The following HAPLN1 variants were observed in gnomAD, a reference collection of about 807,000 sequenced individuals.
HAPLN1 encodes hyaluronan and proteoglycan link protein 1.
HAPLN1 carries 13 observed loss-of-function variants against 36.5 expected under a neutral mutation model. The observed-to-expected ratio is 0.36, with a 90% CI of 0.23 to 0.57. The LOEUF (loss-of-function observed/expected upper bound fraction) is 0.57, where lower values mean the gene tolerates loss of function less well. HAPLN1 is among the 20% of genes least tolerant of loss of function. The pLI is 0.83. For missense variants in HAPLN1, 407 were observed against 439.7 expected (o/e 0.93, Z 0.66); for synonymous variants, 202 against 169.8 (o/e 1.19, Z -1.48).
intron 1 of HAPLN1, among the ~76,000 whole-genome samples, chr5:83,716,334 A>C (rs1751911487): frequency 6.6e-6 from 1 of 152,222 alleles, no homozygotes; most frequent in South Asian, 2.1e-4. Context: ...TCTTAAACAG[A>C]TTGAGAACCA....
chr5:83,661,857 T>C (rs750802099), intron 2 of HAPLN1, among the ~76,000 whole-genome samples: 25 of 152,210 alleles, frequency 1.6e-4, no homozygotes, highest in Non-Finnish European at 2.6e-4. Flanking sequence ...TTTTTACCTA[T>C]TGCATCATGC....
chr5:83,638,670 T>C lies in HAPLN1; in HGVS notation c.*2826A>G, dbSNP rs769123011. On this transcript the variant is annotated 3_prime_UTR_variant, in exon 5 of 5. Coordinates refer to ENST00000274341, the MANE Select transcript of HAPLN1 (RefSeq NM_001884.4). ...CCAAAATAAAAAGTGACTATATTGT[T>C]GCATAAAATAACACTTTGACAGGTA... 2 of 152,022 alleles carry C rather than the reference T, an allele frequency of 1.3e-5. No individual in the cohort carries two copies. Among genetic ancestry groups the C allele is most frequent in the Non-Finnish European group, 2.9e-5 (2 of 67,908 alleles). The allele number at this position is 152,022 out of a possible 1,614,324, so 9.4% of individuals were successfully genotyped here. A position where few individuals can be genotyped will look rare whatever the true frequency, so the allele number is the denominator to read the frequency against.
chr5:83,676,467 G>T (rs1750863598), intron 1 of HAPLN1, among the ~76,000 whole-genome samples: 1 of 152,136 alleles, frequency 6.6e-6, no homozygotes. Context: ...GTATACTTTA[G>T]GGTCACAGTC....
In HAPLN1 at chr5:83,645,475, C is replaced by CTTTTTTTTTTTTTTTTTTTTTTTTTTT; in HGVS notation, c.473-811_473-810insAAAAAAAAAAAAAAAAAAAAAAAAAAA. Among the ~76,000 whole-genome samples the CTTTTTTTTTTTTTTTTTTTTTTTTTTT allele has an allele frequency of 8.1e-5, 6 of 74,332 alleles. 1 individual carries two copies. In the South Asian group the frequency reaches 1.6e-3, roughly 19 times the overall value. The allele number at this position is 74,332 out of a possible 152,430, so 48.8% of individuals were successfully genotyped here. A position where few individuals can be genotyped will look rare whatever the true frequency, so the allele number is the denominator to read the frequency against. On this transcript the variant is annotated intron_variant, in intron 3 of 4. Coordinates refer to ENST00000274341, the MANE Select transcript of HAPLN1 (RefSeq NM_001884.4). ...GTGATTTTCTTTTTTCTTTTTCTTT[C>CTTTTTTTTTTTTTTTTTTTTTTTTTTT]TTTTTTTTTTTTTTTTAGCTCATCA...
At chr5:83,700,958 A>G (rs1288661406) in intron 1 of HAPLN1, among the ~76,000 whole-genome samples, 1 of 152,216 alleles carries the variant, frequency 6.6e-6, no homozygotes, top group Non-Finnish European at 1.5e-5. Context: ...TAATAAAAGG[A>G]GACCTTCCCA....
intron 1 of HAPLN1, among the ~76,000 whole-genome samples, chr5:83,683,286 A>G (rs1249837290): frequency 6.6e-6 from 1 of 152,164 alleles, no homozygotes; most frequent in African/African-American, 2.4e-5. Context: ...AGTTACCAGT[A>G]TAAAGTTCCC....
chr5:83,655,616 G>T (rs1750187310), intron 2 of HAPLN1, among the ~76,000 whole-genome samples: 1 of 152,048 alleles, frequency 6.6e-6, no homozygotes, highest in Admixed American at 6.6e-5. Flanking sequence ...AACATATTTA[G>T]TGACTAAGGC....
chr5:83,698,070 T>G (rs1015463727), intron 1 of HAPLN1, among the ~76,000 whole-genome samples: 1 of 152,176 alleles, frequency 6.6e-6, no homozygotes, highest in African/African-American at 2.4e-5. Flanking sequence ...TGGTATCACA[T>G]CTAGGAAACC....
intron 1 of HAPLN1, among the ~76,000 whole-genome samples, chr5:83,686,610 G>A (rs930583236): frequency 6.6e-6 from 1 of 152,074 alleles, no homozygotes. Context: ...TTTTCATTCT[G>A]CTAATGCTGA....
At chr5:83,702,393 C>A (rs1234993170) in intron 1 of HAPLN1, among the ~76,000 whole-genome samples, 2 of 152,166 alleles carry the variant, frequency 1.3e-5, no homozygotes, top group African/African-American at 2.4e-5. Flanking sequence ...ATATGAACAT[C>A]TCAAACTGCT....
intron 1 of HAPLN1, among the ~76,000 whole-genome samples, chr5:83,707,091 T>C (rs1751670995): frequency 1.3e-5 from 2 of 152,022 alleles, no homozygotes; most frequent in South Asian, 4.1e-4. Context: ...CACAAACAAA[T>C]GGAAAAATAT....
At chr5:83,672,381 T>C (rs1366017732) in intron 2 of HAPLN1, among the ~76,000 whole-genome samples, 1 of 152,192 alleles carries the variant, frequency 6.6e-6, no homozygotes, top group African/African-American at 2.4e-5. Flanking sequence ...CAGAGTAAAA[T>C]GTATGATTAC....
intron 1 of HAPLN1, among the ~76,000 whole-genome samples, chr5:83,702,591 A>G (rs1295405476): frequency 6.6e-6 from 1 of 152,192 alleles, no homozygotes; most frequent in Non-Finnish European, 1.5e-5. Context: ...TACTCAGAAC[A>G]TAGTCAAGCC....
intron 2 of HAPLN1, among the ~76,000 whole-genome samples, chr5:83,670,567 C>T (rs978020019): frequency 6.6e-6 from 1 of 152,042 alleles, no homozygotes; most frequent in Admixed American, 6.5e-5. Flanking sequence ...AGTCTTTTTC[C>T]ATGGGAAGCT....
At chr5:83,701,858 G>A (rs931483766) in intron 1 of HAPLN1, among the ~76,000 whole-genome samples, 11 of 151,832 alleles carry the variant, frequency 7.2e-5, no homozygotes, top group African/African-American at 1.7e-4. Context: ...CCCGGGAGAC[G>A]GAGGTTGCGG....
chr5:83,688,258 G>A (rs1349221809), intron 1 of HAPLN1, among the ~76,000 whole-genome samples: 2 of 152,118 alleles, frequency 1.3e-5, no homozygotes, highest in Admixed American at 6.6e-5. Flanking sequence ...TTAGGCATGG[G>A]AGAACTATTT....
At chr5:83,686,704 C>T (rs1416666748) in intron 1 of HAPLN1, among the ~76,000 whole-genome samples, 1 of 152,132 alleles carries the variant, frequency 6.6e-6, no homozygotes, top group Non-Finnish European at 1.5e-5. Flanking sequence ...CACCTGCCGC[C>T]CACCTGCCGT....
At chr5:83,661,088 C>A (rs1165968706) in intron 2 of HAPLN1, among the ~76,000 whole-genome samples, 1 of 152,132 alleles carries the variant, frequency 6.6e-6, no homozygotes, top group Admixed American at 6.5e-5. Flanking sequence ...TCTTGAGGAT[C>A]GCCTAATCTA....
Position 83,641,530 on chromosome 5 carries a change from A to C in HAPLN1, c.1031T>G (p.Leu344Arg). ...FVGFPDKKHK[L>R]YGVYCFRAYN ...TGCTCTGAAGCAGTAGACACCATAC[A>C]GCTTATGCTTTTTATCTGGGAAACC... The change falls in exon 5 of 5, where the codon CTG becomes CGG. Residue 344 changes from leucine (L) to arginine (R), a missense_variant. Physicochemically the swap from Leu to Arg is moderately radical, Grantham distance 102. Coordinates refer to ENST00000274341, the MANE Select transcript of HAPLN1 (RefSeq NM_001884.4). 1 of 1,613,544 alleles carries C rather than the reference A, an allele frequency of 6.2e-7. No individual in the cohort carries two copies. The highest frequency in any genetic ancestry group is 8.5e-7 in the Non-Finnish European group (1 of 1,179,528).
Sources: allele counts gnomAD v4.1 joint callset (sites outside exome capture counted in the v4.1 genomes callset), GRCh38; gene constraint gnomAD v4.1.1; transcripts MANE v1.5; gene names NCBI Gene and HGNC (gene_info 2026-07-23, HGNC 2026-07-21).